ALDOA: variants seen among roughly 807,000 people sequenced by gnomAD.
ALDOA encodes the protein fructose-bisphosphate aldolase A.
ALDOA carries 26 observed loss-of-function variants against 43.9 expected under a neutral mutation model. The observed-to-expected ratio is 0.59, with a 90% confidence interval of 0.43 to 0.82. The LOEUF is 0.82. Ranked by LOEUF, ALDOA falls within the 40% of genes least tolerant of loss-of-function variation. The pLI is 0.00. For synonymous variants in ALDOA, 258 were observed against 222.6 expected (o/e 1.16, Z -1.42); for missense variants, 498 against 549.5 (o/e 0.91, Z 0.94).
chr16:30,064,614 C>T (rs2072039012), upstream of ALDOA: 1 of 397,164 alleles, frequency 2.5e-6, no homozygotes, highest in Admixed American at 4.4e-5. Flanking sequence ...CTTCAGGTTT[C>T]CCTAAATATA....
Position 30,069,292 on chromosome 16 carries a change from C to T in ALDOA, c.703-14C>T. ...TTAGGAGGCCTCACAGTGACCCTGTCCCTCGCCCTGCAGAATGGCATTGTG... is the reference window on the plus strand; with the variant it reads ...TTAGGAGGCCTCACAGTGACCCTGTTCCTCGCCCTGCAGAATGGCATTGTG... On this transcript the variant is annotated splice_polypyrimidine_tract_variant and intron_variant, in intron 6 of 9. Coordinates refer to ENST00000642816, the MANE Select transcript of ALDOA (RefSeq NM_001243177.4). The T allele has an allele frequency of 6.2e-7, 1 of 1,614,056 alleles. No individual in the cohort carries two copies. Among genetic ancestry groups the T allele is most frequent in the Non-Finnish European group, 8.5e-7 (1 of 1,179,934 alleles).
At position 30,069,419 on chromosome 16, in the gene ALDOA, G is replaced by A. The variant is rs1379923526; in HGVS notation, c.786+30G>A. ...ATGGCTACCTGCCTGACCAGTGCAA[G>A]GTGGCTGGCCGGGGACCCTGGGGCT... On this transcript the variant is annotated intron_variant, in intron 7 of 9. Transcript: ENST00000642816. 2.5e-6 allele frequency: 4 copies of A among 1,613,958 alleles called. No homozygotes were observed. The African/African-American group carries it at 4.0e-5, about 16-fold the overall frequency.
intron 4 of ALDOA, chr16:30,068,319 C>T (rs2072194382): frequency 2.7e-6 from 1 of 370,368 alleles, no homozygotes; most frequent in African/African-American, 2.1e-5. Flanking sequence ...CCACCTCGGC[C>T]TCCCAAAGTG....
rs2072125241 is a variant in ALDOA at position 30,066,864 on chromosome 16, CCGGTT to C, written c.-13-15_-13-11del. 6 of 1,544,918 alleles carry C rather than the reference CCGGTT, an allele frequency of 3.9e-6. No individual in the cohort carries two copies. Among genetic ancestry groups the C allele is most frequent in the Non-Finnish European group, 5.2e-6 (6 of 1,143,702 alleles). On this transcript the variant is annotated splice_polypyrimidine_tract_variant and intron_variant, in intron 1 of 9. Transcript: ENST00000642816. ...CACGATCTTTACATTCTAAAATACT[CCGGTT>C]CGGTTTTGTTTTCAGGCAAGGTGAC... is the stretch of plus-strand genomic sequence containing the variant.
At position 30,069,975 on chromosome 16, in the gene ALDOA, C is replaced by T. The variant is rs142315181; in HGVS notation, c.1107C>T (p.Gly369=). 7.8e-5 allele frequency: 126 copies of T among 1,613,702 alleles called. 2 individuals carry two copies. The East Asian group carries it at 2.3e-3, about 29-fold the overall frequency. Residue 369 remains glycine, a synonymous_variant, in exon 9 of 10, where the codon GGC becomes GGT. Transcript: ENST00000642816. ...AGGCCTCTGCCCTGAAGGCCTGGGG[C>T]GGGAAGAAGGAGAACCTGAAGGCTG... is the stretch of plus-strand genomic sequence containing the variant. ...ALQASALKAW[G]GKKENLKAAQ... is the part of the protein sequence containing the mutation.
upstream of ALDOA, chr16:30,064,622 A>G (rs1377727190): frequency 2.5e-6 from 1 of 395,746 alleles, no homozygotes; most frequent in African/African-American, 2.1e-5. Flanking sequence ...TTCCCTAAAT[A>G]TAGGTCCCTG....
chr16:30,066,130 G>T (rs1420028508), intron 1 of ALDOA: 1 of 152,598 alleles, frequency 6.6e-6, no homozygotes, highest in Non-Finnish European at 1.5e-5. Context: ...GAGTCATGGC[G>T]GGGGAGGAAG....
At position 30,069,397 on chromosome 16, in the gene ALDOA, G is replaced by A. The variant is rs753738038; in HGVS notation, c.786+8G>A. ...CAGTATGTGACCGAGAAGGTAAATG[G>A]CTACCTGCCTGACCAGTGCAAGGTG... On this transcript the variant is annotated splice_region_variant and intron_variant, in intron 7 of 9. Coordinates refer to ENST00000642816, the MANE Select transcript of ALDOA (RefSeq NM_001243177.4). 4 of 1,614,112 alleles carry A rather than the reference G, an allele frequency of 2.5e-6. No individual in the cohort carries two copies. Among genetic ancestry groups the A allele is most frequent in the East Asian group, 4.5e-5 (2 of 44,884 alleles).
In ALDOA at chr16:30,068,648, A is replaced by G. The variant is rs2072204438; in HGVS notation, c.489A>G (p.Val163=). 1.9e-6 allele frequency: 3 copies of G among 1,614,068 alleles called. No homozygotes were observed. The highest frequency in any genetic ancestry group is 3.3e-5 in the Admixed American group (2 of 60,002). The part of the protein sequence containing the change: ...KSKGGVVGIK[V]DKGVVPLAGT... ...TGTTGTTACCCTGACCCCAACAGGT[A>G]GACAAGGGCGTGGTCCCCCTGGCAG... Residue 163 remains valine, a splice_region_variant and synonymous_variant, in exon 5 of 10, where the codon GTA becomes GTG. Transcript: ENST00000642816.
At position 30,069,395 on chromosome 16, in the gene ALDOA, T is replaced by C. The variant is rs1464175772; in HGVS notation, c.786+6T>C. The C allele has an allele frequency of 1.2e-6, 2 of 1,613,944 alleles. No homozygotes were observed. The highest frequency in any genetic ancestry group is 1.3e-5 in the African/African-American group (1 of 74,886). On this transcript the variant is annotated splice_donor_region_variant and intron_variant, in intron 7 of 9. Transcript: ENST00000642816. The stretch of plus-strand genomic sequence containing the variant: ...GCCAGTATGTGACCGAGAAGGTAAA[T>C]GGCTACCTGCCTGACCAGTGCAAGG...
In ALDOA at chr16:30,070,286, C is replaced by T; in HGVS notation, c.*74C>T. ...CCACTCTTGAAGAGGAGGCCGCCTCCTCGGGGCTCCAGGCTGGCTTGCCCG... is the reference window on the plus strand; with the variant it reads ...CCACTCTTGAAGAGGAGGCCGCCTCTTCGGGGCTCCAGGCTGGCTTGCCCG... On this transcript the variant is annotated 3_prime_UTR_variant, in exon 10 of 10. Transcript: ENST00000642816. 2 of 1,468,932 alleles carry T rather than the reference C, an allele frequency of 1.4e-6. No individual in the cohort carries two copies. Among genetic ancestry groups the T allele is most frequent in the African/African-American group, 1.4e-5 (1 of 72,068 alleles). 91.0% of individuals were successfully genotyped at this position (1,468,932 alleles called of 1,614,324 possible). A position where few individuals can be genotyped will look rare whatever the true frequency, so the allele number is the denominator to read the frequency against.
chr16:30,067,102 C>A (rs2072136845), intron 2 of ALDOA, 64 bp downstream of exon 2: 4 of 1,569,494 alleles, frequency 2.5e-6, no homozygotes, highest in Non-Finnish European at 3.5e-6. Flanking sequence ...CAGAAGTGCC[C>A]CAGGGCCTGC....
At chr16:30,065,956 C>G (rs55864320) in intron 1 of ALDOA, 29 bp downstream of exon 1, 70 of 153,196 alleles carry the variant, frequency 4.6e-4, no homozygotes, top group Non-Finnish European at 7.6e-4. Flanking sequence ...GTGCGGGGAC[C>G]AGGGACCGTG....
Position 30,067,276 on chromosome 16 carries a change from C to G in ALDOA, c.184C>G (p.Leu62Val), listed in dbSNP as rs1163749559. The change falls in exon 3 of 10, where the codon CTG (leucine) becomes GTG (valine). Residue 62 changes from leucine to valine, a missense_variant. By Grantham distance (32) the Leu-to-Val change is conservative. Coordinates refer to ENST00000642816, the MANE Select transcript of ALDOA (RefSeq NM_001243177.4). ...CACCATGCCCTACCAATATCCAGCACTGACCCCGGAGCAGAAGAAGGAGCT... is the reference window on the plus strand; with the variant it reads ...CACCATGCCCTACCAATATCCAGCAGTGACCCCGGAGCAGAAGAAGGAGCT... ...TSTMPYQYPA[L>V]TPEQKKELSD... The G allele has an allele frequency of 6.2e-7, 1 of 1,612,422 alleles. No individual in the cohort carries two copies. The highest frequency in any genetic ancestry group is 1.3e-5 in the African/African-American group (1 of 74,882).
At chr16:30,067,073 G>A (rs530878836) in intron 2 of ALDOA, 35 bp downstream of exon 2, 11 of 1,572,018 alleles carry the variant, frequency 7.0e-6, no homozygotes, top group Admixed American at 3.7e-5. Context: ...GAAGTTGGGC[G>A]TAAGAGAGAG....
chr16:30,070,044 G>A lies in ALDOA; in HGVS notation c.1161+15G>A. ...AGCGAGCCCTGGTAAGGATAGGCAG[G>A]AGGTGGGCAGGGTGCCTGGGTGGAT... On this transcript the variant is annotated intron_variant, in intron 9 of 9. Coordinates refer to ENST00000642816, the MANE Select transcript of ALDOA (RefSeq NM_001243177.4). 3 of 1,613,744 alleles carry A rather than the reference G, an allele frequency of 1.9e-6. No homozygotes were observed. The highest frequency in any genetic ancestry group is 2.5e-6 in the Non-Finnish European group (3 of 1,179,982).
upstream of ALDOA, chr16:30,064,804 G>C: frequency 3.7e-6 from 1 of 268,310 alleles, no homozygotes; most frequent in Non-Finnish European, 7.0e-6. Flanking sequence ...TTGCAGGACC[G>C]GGCCGGGGTG....
intron 4 of ALDOA, chr16:30,068,292 CTGATCTCG>C (rs1421453856): frequency 1.1e-5 from 4 of 356,278 alleles, no homozygotes; most frequent in Non-Finnish European, 2.2e-5. Flanking sequence ...TCTCGATCTC[CTGATCTCG>C]TGATCTGCCC....
At position 30,068,878 on chromosome 16, in the gene ALDOA, A is replaced by G; in HGVS notation, c.602A>G (p.Lys201Arg). The change falls in exon 6 of 10, where the codon AAG becomes AGG. Residue 201 changes from lysine to arginine, a missense_variant. Transcript: ENST00000642816. ...AAGAAGGACGGAGCTGACTTCGCCA[A>G]GTGGCGTTGTGTGCTGAAGATTGGG... ...QYKKDGADFAKWRCVLKIGEH... is the reference protein window; with the variant it reads ...QYKKDGADFARWRCVLKIGEH... The G allele has an allele frequency of 6.2e-7, 1 of 1,614,242 alleles. No individual in the cohort carries two copies. Among genetic ancestry groups the G allele is most frequent in the Non-Finnish European group, 8.5e-7 (1 of 1,180,040 alleles).
Sources: gnomAD v4.1 joint callset for allele counts on GRCh38, gnomAD v4.1.1 for gene constraint, MANE v1.5 for transcripts, NCBI Gene and HGNC (gene_info 2026-07-23, HGNC 2026-07-21) for gene names.